The following EPB41L4B variants were observed in gnomAD, a reference collection of about 807,000 sequenced individuals.
EPB41L4B encodes erythrocyte membrane protein band 4.1 like 4B.
Under a neutral mutation model 112.5 loss-of-function variants are expected in EPB41L4B, and 30 were observed. That is an observed-to-expected ratio of 0.27 (90% CI 0.20 to 0.36). The LOEUF is 0.36. EPB41L4B is among the 10% of genes least tolerant of loss of function. The pLI, the probability that EPB41L4B is intolerant of heterozygous loss-of-function variation, is 1.00. For synonymous variants in EPB41L4B, 408 were observed against 439.7 expected (o/e 0.93, Z 0.90); for missense variants, 1,024 against 1,133.3 (o/e 0.90, Z 1.38).
chr9:109,290,726 TATAC>T (rs1195172651), intron 1 of EPB41L4B, among the ~76,000 whole-genome samples: 3 of 150,138 alleles, frequency 2.0e-5, no homozygotes, highest in Non-Finnish European at 4.4e-5. Context: ...TATATATATA[TATAC>T]ACACACACAC....
rs769109074 is a variant in EPB41L4B, at chr9:109,228,471, TCA to T, written c.1410-11328_1410-11327del. Among the ~76,000 whole-genome samples the T allele has an allele frequency of 1.2e-4, 18 of 152,342 alleles. No individual in the cohort carries two copies. In the South Asian group the frequency reaches 1.4e-3, roughly 12 times the overall value. The stretch of plus-strand genomic sequence containing the variant: ...TCAGCAATGACAAGTGCAAATTTTC[TCA>T]GTGTTTTGGGAGACCATTTTTCTGA... On this transcript the variant is annotated intron_variant, in intron 15 of 25. Coordinates refer to ENST00000374566, the MANE Select transcript of EPB41L4B (RefSeq NM_019114.5).
At chr9:109,202,355 T>C (rs776798090) in intron 19 of EPB41L4B, among the ~76,000 whole-genome samples, 3 of 152,198 alleles carry the variant, frequency 2.0e-5, no homozygotes, top group Non-Finnish European at 2.9e-5. Context: ...TCGAGTATAA[T>C]AGTTCCCCAG....
Position 109,251,506 on chromosome 9 carries a change from T to C in EPB41L4B, c.1285A>G (p.Asn429Asp), listed in dbSNP as rs201786634. Reference protein sequence around the residue: ...SRRHSTFKASNPVIAAQLCSK... With the variant: ...SRRHSTFKASDPVIAAQLCSK... ...CAGAGCTGGGCTGCTATCACTGGGT[T>C]GCTTGCTATAAAGGAAAAACAGAAA... Residue 429 changes from asparagine (N) to aspartate (D), a missense_variant, in exon 13 of 26, where the codon AAC becomes GAC. Coordinates refer to ENST00000374566, the MANE Select transcript of EPB41L4B (RefSeq NM_019114.5). 1 of 1,614,112 alleles carries C rather than the reference T, an allele frequency of 6.2e-7. No individual in the cohort carries two copies. The highest frequency in any genetic ancestry group is 1.7e-5 in the Admixed American group (1 of 60,026).
intron 1 of EPB41L4B, among the ~76,000 whole-genome samples, chr9:109,308,040 A>G (rs141557025): frequency 2.8e-4 from 42 of 152,264 alleles, no homozygotes; most frequent in Admixed American, 1.6e-3. Context: ...GTGTTCTCCA[A>G]CGGTTCCCTC....
chr9:109,230,552 G>C (rs1030603553), intron 15 of EPB41L4B, among the ~76,000 whole-genome samples: 2 of 152,150 alleles, frequency 1.3e-5, no homozygotes, highest in Non-Finnish European at 2.9e-5. Context: ...TACTCATTCT[G>C]GTTTCCCAGA....
rs566952010 is a variant in EPB41L4B, at chr9:109,255,638, C to A, written c.1042G>T (p.Ala348Ser). 3.1e-6 allele frequency: 5 copies of A among 1,613,980 alleles called. No individual in the cohort carries two copies. Among genetic ancestry groups the A allele is most frequent in the Non-Finnish European group, 3.4e-6 (4 of 1,179,974 alleles). Residue 348 changes from alanine to serine, a missense_variant, in exon 11 of 26, where the codon GCC becomes TCC. Ala to Ser is a moderately conservative substitution (Grantham distance 99). Transcript: ENST00000374566. ...TTCCAAAGGTGTTTGCAGGTCCTGG[C>A]ACTGTCTAACCGGAACACAAACGTG... ...EHTFVFRLDS[A>S]RTCKHLWKCA...
At position 109,282,924 on chromosome 9, in the gene EPB41L4B, C is replaced by A. The variant is rs10979799; in HGVS notation, c.307-3003G>T. 1.6e-3 allele frequency among the ~76,000 whole-genome samples: 239 copies of A among 152,080 alleles called. 2 individuals carry two copies. The highest frequency in any genetic ancestry group is 5.5e-3 in the African/African-American group (230 of 41,494). ...TCTCAACTCCCGACCTCAAGTGATC[C>A]GCCCACCTCGGCGTCCCAAAGTGCT... On this transcript the variant is annotated intron_variant, in intron 1 of 25. Coordinates refer to ENST00000374566, the MANE Select transcript of EPB41L4B (RefSeq NM_019114.5).
chr9:109,187,765 A>G (rs181070877), intron 22 of EPB41L4B, among the ~76,000 whole-genome samples: 1 of 152,356 alleles, frequency 6.6e-6, no homozygotes, highest in African/African-American at 2.4e-5. Context: ...ACTGCCTAGA[A>G]GCCAAAATGT....
intron 1 of EPB41L4B, among the ~76,000 whole-genome samples, chr9:109,298,902 G>C (rs752536725): frequency 7.2e-5 from 11 of 152,118 alleles, no homozygotes; most frequent in Non-Finnish European, 1.5e-4. Context: ...CATGTCCAAA[G>C]GTACCCCTGC....
At chr9:109,286,594 T>C (rs1836292367) in intron 1 of EPB41L4B, among the ~76,000 whole-genome samples, 1 of 152,208 alleles carries the variant, frequency 6.6e-6, no homozygotes, top group Admixed American at 6.5e-5. Flanking sequence ...CTGTGACGAA[T>C]TCATCCACTC....
intron 2 of EPB41L4B, among the ~76,000 whole-genome samples, chr9:109,275,781 T>C (rs1045638772): frequency 1.5e-4 from 23 of 152,144 alleles, no homozygotes; most frequent in African/African-American, 4.8e-4. Flanking sequence ...AAAGAGCACA[T>C]AGACCTGAAA....
intron 15 of EPB41L4B, chr9:109,241,579 C>A: frequency 6.3e-7 from 1 of 1,586,846 alleles, no homozygotes; most frequent in African/African-American, 1.3e-5. Context: ...CGTCCAAACA[C>A]ATCCATCCAT....
chr9:109,293,910 A>C (rs1363678336), intron 1 of EPB41L4B, among the ~76,000 whole-genome samples: 4 of 152,160 alleles, frequency 2.6e-5, no homozygotes, highest in Non-Finnish European at 4.4e-5. Context: ...TACTAGATGC[A>C]ATGTGTGGTC....
At chr9:109,245,020 G>A (rs1018276220) in intron 14 of EPB41L4B, among the ~76,000 whole-genome samples, 10 of 152,166 alleles carry the variant, frequency 6.6e-5, no homozygotes, top group South Asian at 2.1e-4. Context: ...TCAGCAAGCA[G>A]ACTCTGCAGC....
intron 4 of EPB41L4B, among the ~76,000 whole-genome samples, chr9:109,265,918 T>G (rs1835385544): frequency 6.6e-6 from 1 of 152,196 alleles, no homozygotes; most frequent in African/African-American, 2.4e-5. Context: ...TGATGACAGC[T>G]AGAAGCAGCA....
chr9:109,177,372 C>T (rs1316922886), intron 24 of EPB41L4B, among the ~76,000 whole-genome samples: 7 of 152,322 alleles, frequency 4.6e-5, no homozygotes. Context: ...TTCAACAAGA[C>T]CTCCAGGTGA....
chr9:109,222,884 G>A (rs1381532454), intron 15 of EPB41L4B, among the ~76,000 whole-genome samples: 3 of 152,190 alleles, frequency 2.0e-5, no homozygotes, highest in Non-Finnish European at 4.4e-5. Flanking sequence ...GTTAGTAAAT[G>A]CAGAGTGAGA....
intron 15 of EPB41L4B, among the ~76,000 whole-genome samples, chr9:109,218,489 G>A (rs1385597304): frequency 6.6e-6 from 1 of 152,008 alleles, no homozygotes; most frequent in Non-Finnish European, 1.5e-5. Flanking sequence ...TGAATACCAC[G>A]AACCTTCCCT....
chr9:109,182,746 T>G lies in EPB41L4B; in HGVS notation c.2470A>C (p.Thr824Pro). The stretch of plus-strand genomic sequence containing the variant: ...CTACTTACAGTAAACTGTGGCCCTG[T>G]GGTGAAAGTATCAGGAAACGGGTTC... ...TMNPFPDTFT[T>P]GPQFTADFRD... Residue 824 changes from threonine to proline, a missense_variant, in exon 24 of 26, where the codon ACA (threonine) becomes CCA (proline). By Grantham distance (38) the Thr-to-Pro change is conservative (BLOSUM62 -1). Coordinates refer to ENST00000374566, the MANE Select transcript of EPB41L4B (RefSeq NM_019114.5). 6.2e-7 allele frequency: 1 copy of G among 1,612,518 alleles called. No homozygotes were observed. The highest frequency in any genetic ancestry group is 2.2e-5 in the East Asian group (1 of 44,886).
Sources: gnomAD v4.1 joint callset for allele counts (sites outside exome capture counted in the v4.1 genomes callset) on GRCh38, gnomAD v4.1.1 for gene constraint, MANE v1.5 for transcripts, NCBI Gene and HGNC (gene_info 2026-07-23, HGNC 2026-07-21) for gene names.